Variants in ARIH2 observed in about 807,000 individuals in gnomAD.
The protein encoded by ARIH2 is E3 ubiquitin-protein ligase ARIH2.
In ARIH2, 12 loss-of-function variants were observed where a neutral mutation model predicts 79.8. The ratio of observed to expected loss-of-function variants is 0.15; its 90% confidence interval spans 0.10 to 0.24. ARIH2 has a LOEUF of 0.24. Among genes scored for constraint, ARIH2 ranks in the 10% least tolerant of loss-of-function variants. ARIH2 has a pLI of 1.00. For synonymous variants in ARIH2, 224 were observed against 213.9 expected (o/e 1.05, Z -0.41); for missense variants, 301 against 618.3 (o/e 0.49, Z 5.44).
At chr3:48,944,875 G>T (rs2088893486) in intron 3 of ARIH2, 1 of 343,696 alleles carries the variant, frequency 2.9e-6, no homozygotes, top group Non-Finnish European at 5.7e-6. Context: ...CATCTGTCTT[G>T]ATCTCTTTAG....
chr3:48,953,049 C>A (rs569205459), intron 3 of ARIH2, among the ~76,000 whole-genome samples: 1 of 152,218 alleles, frequency 6.6e-6, no homozygotes, highest in East Asian at 1.9e-4. Context: ...CATACTTCAG[C>A]TTCCCAAGTA....
chr3:48,978,418 TGTA>T (rs1180537582), intron 11 of ARIH2, among the ~76,000 whole-genome samples: 1 of 28,994 alleles, frequency 3.4e-5, no homozygotes, highest in Middle Eastern at 0.018. Context: ...GGCTAATTTG[TGTA>T]TGTGTGTGTG....
chr3:48,918,896 G>GCCCGCCGCCTCCGCTGCCGCTTCGC lies in ARIH2; in HGVS notation c.-260_-236dup. On this transcript the variant is annotated 5_prime_UTR_variant, in exon 1 of 16. Coordinates refer to ENST00000356401, the MANE Select transcript of ARIH2 (RefSeq NM_006321.4). ...AGCAGCGCGGGCTTGACCGGCGTCG[G>GCCCGCCGCCTCCGCTGCCGCTTCGC]CCCGCCGCCTCCGCTGCCGCTTCGC... The GCCCGCCGCCTCCGCTGCCGCTTCGC allele has an allele frequency of 3.7e-6, 6 of 1,600,946 alleles. No homozygotes were observed. The highest frequency in any genetic ancestry group is 4.2e-6 in the Non-Finnish European group (5 of 1,176,646).
chr3:48,983,394 G>C lies in ARIH2; in HGVS notation c.*124G>C. ...AACAGCCAGGGCCCCACTCCTGAGAGACACTGGCAACACCTCTTAGTTGAT... is the reference window on the plus strand; with the variant it reads ...AACAGCCAGGGCCCCACTCCTGAGACACACTGGCAACACCTCTTAGTTGAT... On this transcript the variant is annotated 3_prime_UTR_variant, in exon 16 of 16. Coordinates refer to ENST00000356401, the MANE Select transcript of ARIH2 (RefSeq NM_006321.4). 1 of 862,014 alleles carries C rather than the reference G, an allele frequency of 1.2e-6. No homozygotes were observed. The highest frequency in any genetic ancestry group is 1.9e-6 in the Non-Finnish European group (1 of 519,604). 53.4% of individuals were successfully genotyped at this position (862,014 alleles called of 1,614,324 possible).
At chr3:48,948,210 C>G (rs754476780) in intron 3 of ARIH2, among the ~76,000 whole-genome samples, 4 of 152,114 alleles carry the variant, frequency 2.6e-5, no homozygotes, top group Non-Finnish European at 4.4e-5. Context: ...ATCCGCCCGC[C>G]TCGGCCTCCT....
rs563708938 is a variant in ARIH2, at chr3:48,920,429, T to C, written c.-162+1431T>C. ...AAATGGAGTTCTCTCTCTTTTTTTT[T>C]TGGAGGAGCCTGGAGTTTTCCCCAC... On this transcript the variant is annotated intron_variant, in intron 1 of 15. Transcript: ENST00000356401. 9.1e-3 allele frequency among the ~76,000 whole-genome samples: 1,080 copies of C among 118,560 alleles called. 11 individuals are homozygous for C. The highest frequency in any genetic ancestry group is 0.015 in the Non-Finnish European group (883 of 57,240). The allele number at this position is 118,560 out of a possible 152,430, so 77.8% of individuals were successfully genotyped here. A position where few individuals can be genotyped will look rare whatever the true frequency, so the allele number is the denominator to read the frequency against.
At position 48,923,520 on chromosome 3, in the gene ARIH2, AGT is replaced by A. The variant is rs36122257; in HGVS notation, c.-98+712_-98+713del. Among the ~76,000 whole-genome samples, 252 of 150,248 alleles carry A rather than the reference AGT, an allele frequency of 1.7e-3. 1 individual carries two copies. Among genetic ancestry groups the A allele is most frequent in the East Asian group, 3.5e-3 (18 of 5,088 alleles). On this transcript the variant is annotated intron_variant, in intron 2 of 15. Coordinates refer to ENST00000356401, the MANE Select transcript of ARIH2 (RefSeq NM_006321.4). ...TTAACATATCAACTTAGATATAGTG[AGT>A]GTTTTTTTTTTTTTTTAAGATAGAG...
At chr3:48,947,341 T>C (rs560403612) in intron 3 of ARIH2, among the ~76,000 whole-genome samples, 81 of 150,462 alleles carry the variant, frequency 5.4e-4, no homozygotes, top group Non-Finnish European at 6.6e-4. Context: ...CTCGGGAGGC[T>C]GAGGCAGGAG....
intron 8 of ARIH2, 91 bp downstream of exon 8, chr3:48,970,795 G>C: frequency 2.1e-6 from 2 of 966,314 alleles, no homozygotes; most frequent in Non-Finnish European, 3.3e-6. Context: ...GGCGGCACTG[G>C]AAGAGGCAGG....
chr3:48,978,699 C>T (rs886655691), intron 11 of ARIH2, among the ~76,000 whole-genome samples: 2 of 151,630 alleles, frequency 1.3e-5, no homozygotes, highest in African/African-American at 4.8e-5. Flanking sequence ...GTGGCTCACG[C>T]CTATAATCCC....
chr3:48,966,910 G>A (rs760922092), intron 5 of ARIH2, among the ~76,000 whole-genome samples: 1 of 152,138 alleles, frequency 6.6e-6, no homozygotes, highest in African/African-American at 2.4e-5. Context: ...TGGTGATTTT[G>A]CAAGCCCAGC....
chr3:48,973,633 G>T lies in ARIH2; in HGVS notation c.771-66G>T, dbSNP rs2092362543. The T allele has an allele frequency of 9.8e-6, 12 of 1,225,224 alleles. No individual in the cohort carries two copies. The South Asian group carries it at 1.6e-4, about 16-fold the overall frequency. The allele number at this position is 1,225,224 out of a possible 1,614,324, so 75.9% of individuals were successfully genotyped here. On this transcript the variant is annotated intron_variant, in intron 8 of 15. Coordinates refer to ENST00000356401, the MANE Select transcript of ARIH2 (RefSeq NM_006321.4). ...TCATGATTTGTTGGCTTGGATAAAA[G>T]GAAAATTTTGAACATGGGACCCTGA... is the stretch of plus-strand genomic sequence containing the variant.
Position 48,968,642 on chromosome 3 carries a change from G to A in ARIH2, c.647G>A (p.Arg216Lys), listed in dbSNP as rs1391502628. The stretch of plus-strand genomic sequence containing the variant: ...GAGAAATACAGGCGCTACCTCTTCA[G>A]GGACTATGTGGAGGTATGGCCAGCC... ...LREKYRRYLF[R>K]DYVESHYQLQ... Residue 216 changes from arginine (R) to lysine (K), a missense_variant, in exon 7 of 16, where the codon AGG becomes AAG. By Grantham distance (26) the Arg-to-Lys change is conservative (BLOSUM62 2). Around this residue, in one of 2 missense-constraint regions of ARIH2, gnomAD observed 223 missense variants for 349.4 expected, o/e 0.64. Coordinates refer to ENST00000356401, the MANE Select transcript of ARIH2 (RefSeq NM_006321.4). 6.2e-7 allele frequency: 1 copy of A among 1,609,286 alleles called. No homozygotes were observed. The highest frequency in any genetic ancestry group is 8.5e-7 in the Non-Finnish European group (1 of 1,176,704).
intron 3 of ARIH2, among the ~76,000 whole-genome samples, chr3:48,942,587 T>C (rs2088471310): frequency 6.6e-6 from 1 of 151,166 alleles, no homozygotes; most frequent in African/African-American, 2.4e-5. Flanking sequence ...TAAGTGATTC[T>C]CCTGCCTCAG....
chr3:48,985,861 C>T lies in ARIH2; in HGVS notation c.*2591C>T, dbSNP rs1450180504. The T allele has an allele frequency of 6.6e-6, 1 of 152,218 alleles. No homozygotes were observed. Among genetic ancestry groups the T allele is most frequent in the African/African-American group, 2.4e-5 (1 of 41,426 alleles). The allele number at this position is 152,218 out of a possible 1,614,324, so 9.4% of individuals were successfully genotyped here. ...GTACTGATATAAATGTCCCAACCCCCCCATTCTGAGACCTCCGGACCCCTC... is the reference window on the plus strand; with the variant it reads ...GTACTGATATAAATGTCCCAACCCCTCCATTCTGAGACCTCCGGACCCCTC... On this transcript the variant is annotated 3_prime_UTR_variant, in exon 16 of 16. Transcript: ENST00000356401.
intron 3 of ARIH2, among the ~76,000 whole-genome samples, chr3:48,942,343 G>A (rs1010279080): frequency 2.0e-5 from 3 of 152,106 alleles, no homozygotes; most frequent in African/African-American, 4.8e-5. Flanking sequence ...GAGCCACTAC[G>A]TCCAGCCAAG....
intron 8 of ARIH2, among the ~76,000 whole-genome samples, chr3:48,971,094 A>G (rs1269019340): frequency 1.3e-5 from 2 of 152,224 alleles, no homozygotes; most frequent in Admixed American, 6.5e-5. Flanking sequence ...AAACTAAGTC[A>G]TAAATATATT....
intron 3 of ARIH2, among the ~76,000 whole-genome samples, chr3:48,955,387 T>C (rs2090462471): frequency 1.3e-5 from 2 of 152,154 alleles, no homozygotes; most frequent in South Asian, 4.1e-4. Context: ...CATTTTTCTT[T>C]TGGAAAAGAT....
At chr3:48,944,210 T>C (rs1315838268) in intron 3 of ARIH2, among the ~76,000 whole-genome samples, 1 of 152,114 alleles carries the variant, frequency 6.6e-6, no homozygotes, top group East Asian at 1.9e-4. Context: ...AATGGAGACA[T>C]AGTGGGTCTG....
Sources: gnomAD v4.1 joint callset for allele counts (sites outside exome capture counted in the v4.1 genomes callset) on GRCh38, gnomAD v4.1.1 for gene constraint, gnomAD v4.1.1 regional missense constraint, MANE v1.5 for transcripts, NCBI Gene and HGNC (gene_info 2026-07-23, HGNC 2026-07-21) for gene names.